KIFC3: variants seen among roughly 807,000 people sequenced by gnomAD.
The protein encoded by KIFC3 is kinesin family member C3, also known as kinesin-like protein KIFC3.
A neutral mutation model predicts 101.8 loss-of-function variants in KIFC3; 60 were observed. The ratio of observed to expected loss-of-function variants is 0.59; its 90% CI spans 0.48 to 0.73. The LOEUF (loss-of-function observed/expected upper bound fraction) is 0.73, where lower values mean the gene tolerates loss of function less well. Among genes scored for constraint, KIFC3 ranks in the 30% least tolerant of loss-of-function variants. KIFC3 has a pLI of 0.00. For synonymous variants in KIFC3, 476 were observed against 482.7 expected (o/e 0.99, Z 0.18); for missense variants, 966 against 1,137.1 (o/e 0.85, Z 2.16).
At chr16:57,837,942 G>C (rs768965792) in intron 1 of KIFC3, among the ~76,000 whole-genome samples, 3 of 152,174 alleles carry the variant, frequency 2.0e-5, no homozygotes, top group Non-Finnish European at 2.9e-5. Context: ...GCAGAGCGCA[G>C]CCCAGACCCA....
chr16:57,834,747 C>T (rs781806971), intron 1 of KIFC3, among the ~76,000 whole-genome samples: 1 of 152,132 alleles, frequency 6.6e-6, no homozygotes, highest in African/African-American at 2.4e-5. Context: ...AAACTCCTGA[C>T]CTCAAGCAAT....
At position 57,758,803 on chromosome 16, in the gene KIFC3, C is replaced by T; in HGVS notation, c.*131G>A. On this transcript the variant is annotated 3_prime_UTR_variant, in exon 20 of 20. Coordinates refer to ENST00000445690, the MANE Select transcript of KIFC3 (RefSeq NM_001130100.2). ...GGCAGAAGAAGAGCCTCCACTCTCGCCTCTACCTCCGGGGGTCCTGGCGCT... is the reference window on the plus strand; with the variant it reads ...GGCAGAAGAAGAGCCTCCACTCTCGTCTCTACCTCCGGGGGTCCTGGCGCT... The T allele has an allele frequency of 6.9e-7, 1 of 1,452,320 alleles. No homozygotes were observed. Among genetic ancestry groups the T allele is most frequent in the Non-Finnish European group, 9.6e-7 (1 of 1,038,210 alleles). 90.0% of individuals were successfully genotyped at this position (1,452,320 alleles called of 1,614,324 possible).
intron 1 of KIFC3, among the ~76,000 whole-genome samples, chr16:57,847,797 T>TGTGTGTGTGTGTGA: frequency 6.7e-6 from 1 of 149,948 alleles, no homozygotes; most frequent in Non-Finnish European, 1.5e-5. Context: ...TGTGTGTGTG[T>TGTGTGTGTGTGTGA]GTGTGTGAGA....
intron 3 of KIFC3, among the ~76,000 whole-genome samples, chr16:57,789,719 CTTTGT>C (rs578030285): frequency 5.3e-5 from 8 of 150,438 alleles, no homozygotes; most frequent in Non-Finnish European, 8.9e-5. Flanking sequence ...GACTGTGTTT[CTTTGT>C]TTTGTTTTGT....
intron 1 of KIFC3, among the ~76,000 whole-genome samples, chr16:57,808,781 C>A (rs2055002070): frequency 6.6e-6 from 1 of 152,170 alleles, no homozygotes; most frequent in African/African-American, 2.4e-5. Flanking sequence ...CATTCACTGG[C>A]TCAGTCACTT....
intron 14 of KIFC3, 96 bp downstream of exon 14, chr16:57,761,317 A>C: frequency 2.5e-6 from 4 of 1,572,144 alleles, no homozygotes; most frequent in South Asian, 1.2e-5. Context: ...GGACTTGCCC[A>C]AGGGTGCGTG....
chr16:57,784,120 C>G (rs1303646970), intron 3 of KIFC3, among the ~76,000 whole-genome samples: 2 of 152,224 alleles, frequency 1.3e-5, no homozygotes, highest in Admixed American at 1.3e-4. Flanking sequence ...TGTCCGTTTT[C>G]CCCCAGGCAG....
intron 3 of KIFC3, among the ~76,000 whole-genome samples, chr16:57,791,997 G>A (rs913456307): frequency 6.6e-6 from 1 of 152,184 alleles, no homozygotes; most frequent in Admixed American, 6.5e-5. Flanking sequence ...CAGATCAGGG[G>A]CTGGGACAAC....
In KIFC3 at chr16:57,816,164, G is replaced by T; in HGVS notation, c.109-17882C>A. 6 of 1,245,220 alleles carry T rather than the reference G, an allele frequency of 4.8e-6. No individual in the cohort carries two copies. The South Asian group carries it at 8.2e-5, about 17-fold the overall frequency. The allele number at this position is 1,245,220 out of a possible 1,614,324, so 77.1% of individuals were successfully genotyped here. ...CTGAGCTGCTGGGGAGAGGAAAGGGGAGGGTGCTCCCACTTCTAATAGTTC... is the reference window on the plus strand; with the variant it reads ...CTGAGCTGCTGGGGAGAGGAAAGGGTAGGGTGCTCCCACTTCTAATAGTTC... On this transcript the variant is annotated intron_variant, in intron 1 of 2. Coordinates refer to the KIFC3 transcript ENST00000563028.
At chr16:57,840,590 G>A (rs2055784306) in intron 1 of KIFC3, among the ~76,000 whole-genome samples, 1 of 151,764 alleles carries the variant, frequency 6.6e-6, no homozygotes, top group African/African-American at 2.4e-5. Flanking sequence ...GGGAAACCCC[G>A]TCTCTACTAA....
chr16:57,833,370 C>T (rs1555479720), intron 1 of KIFC3, among the ~76,000 whole-genome samples: 1 of 152,062 alleles, frequency 6.6e-6, no homozygotes, highest in African/African-American at 2.4e-5. Flanking sequence ...CACCAGGACC[C>T]CTTCCCCTAA....
rs782294423 is a variant in KIFC3 at position 57,769,740 on chromosome 16, G to A, written c.1088-15C>T. 6.2e-6 allele frequency: 10 copies of A among 1,612,896 alleles called. No individual in the cohort carries two copies. Among genetic ancestry groups the A allele is most frequent in the East Asian group, 2.2e-5 (1 of 44,868 alleles). The stretch of plus-strand genomic sequence containing the variant: ...GGTCCGGACGCCTATGGGGACACTC[G>A]GGCTGTGAGGCGGGAGGGGATGAGG... On this transcript the variant is annotated splice_polypyrimidine_tract_variant and intron_variant, in intron 8 of 19. Transcript: ENST00000445690. This position sits in a 1 kb window ranked among gnomAD's most constrained non-coding sequence, Gnocchi z 4.3.
At chr16:57,802,875 C>T (rs928162955), upstream of KIFC3, 8 of 1,220,512 alleles carry the variant, frequency 6.6e-6, no homozygotes, top group Middle Eastern at 3.7e-4. The surrounding 1 kb of genome is among the most constrained non-coding windows in gnomAD (Gnocchi z 5.0). Context: ...AACTTCCACG[C>T]GAGTACTCAC....
At position 57,770,683 on chromosome 16, in the gene KIFC3, C is replaced by T. The variant is rs1476778607; in HGVS notation, c.783G>A (p.Val261=). The T allele has an allele frequency of 2.6e-6, 4 of 1,528,978 alleles. No homozygotes were observed. The highest frequency in any genetic ancestry group is 3.5e-6 in the Non-Finnish European group (4 of 1,136,220). The allele number at this position is 1,528,978 out of a possible 1,614,324, so 94.7% of individuals were successfully genotyped here. A position where few individuals can be genotyped will look rare whatever the true frequency, so the allele number is the denominator to read the frequency against. ...GCTTGGTCTTGGACGACTCCACCTC[C>T]ACTGTCTTGATGACATACTGCAGGG... The part of the protein sequence containing the change: ...SPPVKYVIKT[V]EVESSKTKQA... Residue 261 remains valine (V), a synonymous_variant, in exon 7 of 20, where the codon GTG becomes GTA. Coordinates refer to ENST00000445690, the MANE Select transcript of KIFC3 (RefSeq NM_001130100.2).
intron 1 of KIFC3, among the ~76,000 whole-genome samples, chr16:57,851,244 G>A (rs1246811828): frequency 6.6e-6 from 1 of 152,000 alleles, no homozygotes; most frequent in Admixed American, 6.6e-5. Context: ...CAAACTCCTG[G>A]TCTCAAGTGA....
At chr16:57,819,407 C>CA (rs1555629533) in intron 1 of KIFC3, among the ~76,000 whole-genome samples, 2 of 152,108 alleles carry the variant, frequency 1.3e-5, no homozygotes, top group Non-Finnish European at 2.9e-5. Context: ...GAGTGGGGTA[C>CA]ATGACTTGGC....
intron 1 of KIFC3, chr16:57,816,745 C>T: frequency 2.2e-6 from 1 of 456,702 alleles, no homozygotes; most frequent in South Asian, 1.5e-5. Context: ...CCGTGGAAGT[C>T]AGCCACTGCC....
intron 1 of KIFC3, chr16:57,813,921 G>T: frequency 1.2e-6 from 1 of 869,076 alleles, no homozygotes; most frequent in Non-Finnish European, 1.4e-6. Flanking sequence ...CACCGGGTAG[G>T]GGCTGTGCAG....
chr16:57,795,201 A>G (rs2054192038), intron 2 of KIFC3, 60 bp from the exon 3 acceptor site: 7 of 1,578,904 alleles, frequency 4.4e-6, no homozygotes, highest in Admixed American at 3.7e-5. Context: ...ACTGCTAGCC[A>G]TGGACCACTG....
Sources: allele counts gnomAD v4.1 joint callset (sites outside exome capture counted in the v4.1 genomes callset), GRCh38; gene constraint gnomAD v4.1.1; non-coding constraint Gnocchi (gnomAD v3.1); transcripts MANE v1.5; gene names NCBI Gene and HGNC (gene_info 2026-07-23, HGNC 2026-07-21).